Variants in UNC5A observed in about 807,000 individuals in gnomAD.
UNC5A encodes the protein unc-5 netrin receptor A.
UNC5A carries 20 observed loss-of-function variants against 87.4 expected under a neutral mutation model. The ratio of observed to expected loss-of-function variants is 0.23; its 90% CI spans 0.16 to 0.33. The LOEUF (loss-of-function observed/expected upper bound fraction) is 0.33. Ranked by LOEUF, UNC5A falls within the 10% of genes least tolerant of loss-of-function variation. The probability of loss-of-function intolerance (pLI) is 1.00; values close to 1 mark genes in which losing one functional copy is unlikely to be tolerated. For synonymous variants in UNC5A, 438 were observed against 482.3 expected (o/e 0.91, Z 1.20); for missense variants, 844 against 1,133.4 (o/e 0.74, Z 3.67).
At chr5:176,846,976 C>G (rs1341592572) in intron 1 of UNC5A, among the ~76,000 whole-genome samples, 1 of 152,190 alleles carries the variant, frequency 6.6e-6, no homozygotes, top group African/African-American at 2.4e-5. Flanking sequence ...CGCACATGCT[C>G]TGCCCTCCCA....
In UNC5A at chr5:176,865,669, C is replaced by A. The variant is rs1211503278; in HGVS notation, c.293-2461C>A. Reference sequence around the variant, plus strand: ...ACGGCAGATACCACGGCAGTGGCGCCACGCCGCCAAAGACCAAAGACCCCA... The same window carrying A: ...ACGGCAGATACCACGGCAGTGGCGCAACGCCGCCAAAGACCAAAGACCCCA... On this transcript the variant is annotated intron_variant, in intron 2 of 14. Transcript: ENST00000329542. The surrounding 1 kb of genome is among the most constrained non-coding windows in gnomAD (Gnocchi z 5.3). 3 of 456,682 alleles carry A rather than the reference C, an allele frequency of 6.6e-6. No homozygotes were observed. The highest frequency in any genetic ancestry group is 4.6e-5 in the South Asian group (3 of 64,578). The allele number at this position is 456,682 out of a possible 1,614,324, so 28.3% of individuals were successfully genotyped here.
chr5:176,864,976 C>T (rs1004912263), intron 2 of UNC5A: 4 of 371,814 alleles, frequency 1.1e-5, no homozygotes, highest in Admixed American at 1.0e-4. Context: ...TGCAGGAGAA[C>T]CGCAGGCAAG....
At chr5:176,878,993 G>A (rs965837611) in intron 13 of UNC5A, among the ~76,000 whole-genome samples, 1 of 152,178 alleles carries the variant, frequency 6.6e-6, no homozygotes, top group Non-Finnish European at 1.5e-5. Context: ...GGGCAGGGGG[G>A]ACTCAGGCCG....
rs1017672859 is a variant in UNC5A, at chr5:176,869,761, C to G, written c.722-609C>G. 6.6e-6 allele frequency: 4 copies of G among 610,428 alleles called. No homozygotes were observed. Among genetic ancestry groups the G allele is most frequent in the Non-Finnish European group, 1.2e-5 (4 of 334,066 alleles). 37.8% of individuals were successfully genotyped at this position (610,428 alleles called of 1,614,324 possible). ...GAGGGGCAGAATGTCCAGAAAACAG[C>G]CTGCGCCACCCTGTGCCCAGGTACC... On this transcript the variant is annotated intron_variant, in intron 5 of 14. Coordinates refer to ENST00000329542, the MANE Select transcript of UNC5A (RefSeq NM_133369.3). The surrounding 1 kb of genome is among the most constrained non-coding windows in gnomAD (Gnocchi z 9.1).
intron 1 of UNC5A, among the ~76,000 whole-genome samples, chr5:176,832,086 G>A (rs892280351): frequency 1.3e-5 from 2 of 151,746 alleles, no homozygotes; most frequent in Non-Finnish European, 2.9e-5. Context: ...TATTAGAGAC[G>A]GGGTTTCACC....
intron 1 of UNC5A, among the ~76,000 whole-genome samples, chr5:176,815,325 G>A (rs988765804): frequency 6.6e-6 from 1 of 152,152 alleles, no homozygotes; most frequent in African/African-American, 2.4e-5. Context: ...CCACCCCTTC[G>A]TTCCTTGTCT....
chr5:176,832,370 A>G (rs559770196), intron 1 of UNC5A, among the ~76,000 whole-genome samples: 2 of 152,228 alleles, frequency 1.3e-5, no homozygotes, highest in Non-Finnish European at 2.9e-5. Context: ...AATGCTTAGG[A>G]CAATGGCAGG....
chr5:176,826,914 C>G (rs1756869243), intron 1 of UNC5A, among the ~76,000 whole-genome samples: 1 of 152,128 alleles, frequency 6.6e-6, no homozygotes, highest in South Asian at 2.1e-4. Context: ...GCTGGGAATA[C>G]AGGCGTGAGC....
intron 1 of UNC5A, among the ~76,000 whole-genome samples, chr5:176,815,396 C>T (rs186209783): frequency 2.6e-5 from 4 of 152,342 alleles, no homozygotes; most frequent in Admixed American, 6.5e-5. Context: ...ACCCCGTATT[C>T]TTGCCAGGTG....
intron 1 of UNC5A, among the ~76,000 whole-genome samples, chr5:176,854,326 C>T (rs1014893529): frequency 4.6e-5 from 7 of 152,204 alleles, no homozygotes; most frequent in Admixed American, 2.0e-4. Context: ...AAGTGCGGAA[C>T]GTGTCCCTGC....
At chr5:176,829,269 CTGGA>C (rs70991574) in intron 1 of UNC5A, among the ~76,000 whole-genome samples, 1 of 124,090 alleles carries the variant, frequency 8.1e-6, no homozygotes, top group East Asian at 2.4e-4. Context: ...GGATGGGTGG[CTGGA>C]TGGATGGATG....
chr5:176,856,257 T>A (rs1757664637), intron 1 of UNC5A, among the ~76,000 whole-genome samples: 1 of 152,224 alleles, frequency 6.6e-6, no homozygotes, highest in Non-Finnish European at 1.5e-5. Flanking sequence ...TCTCCCAGAC[T>A]GCAGGTGAGG....
At chr5:176,830,501 C>T (rs1249842994) in intron 1 of UNC5A, among the ~76,000 whole-genome samples, 1 of 123,830 alleles carries the variant, frequency 8.1e-6, no homozygotes, top group Non-Finnish European at 1.6e-5. Context: ...TATGTGTGTG[C>T]TGCTGTGTGC....
At chr5:176,877,731 G>A (rs1221988175) in intron 10 of UNC5A, 28 bp downstream of exon 10, 2 of 1,568,318 alleles carry the variant, frequency 1.3e-6, no homozygotes, top group Non-Finnish European at 1.7e-6. Flanking sequence ...CCGGGCTCCA[G>A]AAGGGAACGT....
Position 176,858,846 on chromosome 5 carries a change from G to T in UNC5A, c.71-3778G>T, listed in dbSNP as rs564875230. Among the ~76,000 whole-genome samples the T allele has an allele frequency of 2.2e-4, 33 of 152,226 alleles. No individual in the cohort carries two copies. The East Asian group carries it at 5.6e-3, about 26-fold the overall frequency. The stretch of plus-strand genomic sequence containing the variant: ...GAAGGAAGCTCACGCTAGTAGCCTG[G>T]GCTGTGCAGTGGGGGAGGCGAGAGG... On this transcript the variant is annotated intron_variant, in intron 1 of 14. Coordinates refer to ENST00000329542, the MANE Select transcript of UNC5A (RefSeq NM_133369.3).
rs1003190545 is a variant in UNC5A at position 176,865,759 on chromosome 5, C to G, written c.293-2371C>G. 10 of 444,498 alleles carry G rather than the reference C, an allele frequency of 2.2e-5. No homozygotes were observed. Among genetic ancestry groups the G allele is most frequent in the Non-Finnish European group, 4.5e-5 (10 of 220,018 alleles). 27.5% of individuals were successfully genotyped at this position (444,498 alleles called of 1,614,324 possible). Reference sequence around the variant, plus strand: ...TCGGAGGCCCACCCAGCTCTGCAGCCCACTCATTCATGTGTGGGGCTGGAG... The same window carrying G: ...TCGGAGGCCCACCCAGCTCTGCAGCGCACTCATTCATGTGTGGGGCTGGAG... On this transcript the variant is annotated intron_variant, in intron 2 of 14. Coordinates refer to ENST00000329542, the MANE Select transcript of UNC5A (RefSeq NM_133369.3). The surrounding 1 kb of genome is among the most constrained non-coding windows in gnomAD (Gnocchi z 5.3).
chr5:176,866,421 G>A lies in UNC5A; in HGVS notation c.293-1709G>A, dbSNP rs764917593. On this transcript the variant is annotated intron_variant, in intron 2 of 14. Coordinates refer to ENST00000329542, the MANE Select transcript of UNC5A (RefSeq NM_133369.3). This position sits in a 1 kb window ranked among gnomAD's most constrained non-coding sequence, Gnocchi z 5.0. ...GAGGAGAGGAGGTGGCAGGACAGAA[G>A]GGGAGGGAAGGCAAAGGGAGAAGAA... 6.6e-6 allele frequency among the ~76,000 whole-genome samples: 1 copy of A among 152,202 alleles called. No individual in the cohort carries two copies. Among genetic ancestry groups the A allele is most frequent in the Non-Finnish European group, 1.5e-5 (1 of 68,030 alleles).
intron 13 of UNC5A, 142 bp from the exon 14 acceptor site, chr5:176,879,168 A>T (rs1758345674): frequency 9.7e-7 from 1 of 1,035,114 alleles, no homozygotes; most frequent in Non-Finnish European, 1.4e-6. Flanking sequence ...GGGCCTTGGC[A>T]CATGGGAGGT....
intron 1 of UNC5A, among the ~76,000 whole-genome samples, chr5:176,811,028 A>G (rs1342987606): frequency 6.6e-6 from 1 of 152,056 alleles, no homozygotes; most frequent in African/African-American, 2.4e-5. Flanking sequence ...TGCCAAGTCC[A>G]GGAGCAGCTG....
Sources: allele counts gnomAD v4.1 joint callset (sites outside exome capture counted in the v4.1 genomes callset), GRCh38; gene constraint gnomAD v4.1.1; non-coding constraint Gnocchi (gnomAD v3.1); transcripts MANE v1.5; gene names NCBI Gene and HGNC (gene_info 2026-07-23, HGNC 2026-07-21).